The following PSG7 variants were observed in gnomAD, a reference collection of about 807,000 sequenced individuals.
PSG7 encodes pregnancy specific beta-1-glycoprotein 7.
PSG7 carries 57 observed loss-of-function variants against 45.6 expected under a neutral mutation model. That is an observed-to-expected ratio of 1.25 (90% CI 1.01 to 1.56). The LOEUF is 1.56. Among genes scored for constraint, PSG7 ranks in the 40% most tolerant of loss-of-function variants. The pLI, the probability that PSG7 is intolerant of heterozygous loss-of-function variation, is 0.00. For missense variants in PSG7, 796 were observed against 508.4 expected (o/e 1.57, Z -5.44); for synonymous variants, 298 against 194.4 (o/e 1.53, Z -4.43).
At chr19:42,929,389 C>G in intron 3 of PSG7, 53 bp downstream of exon 3, 1 of 1,611,422 alleles carries the variant, frequency 6.2e-7, no homozygotes, top group Non-Finnish European at 8.5e-7. Context: ...CGGCCTCTGG[C>G]CATGTGTATT....
chr19:42,929,463 G>T lies in PSG7; in HGVS notation c.688C>A (p.Pro230Thr). Residue 230 changes from proline to threonine, a missense_variant, in exon 3 of 6, where the codon CCA (proline) becomes ACA (threonine). By Grantham distance (38) the Pro-to-Thr change is conservative (BLOSUM62 -1). Coordinates refer to ENST00000406070, the MANE Select transcript of PSG7 (RefSeq NM_002783.3). ...TCACGGAGGAGATTCAGGGTGACTGGGTCACTGCGGCTGGCACTCACTGGG... is the reference window on the plus strand; with the variant it reads ...TCACGGAGGAGATTCAGGGTGACTGTGTCACTGCGGCTGGCACTCACTGGG... Reference protein sequence around the residue: ...RNPVSASRSDPVTLNLLPKLP... With the variant: ...RNPVSASRSDTVTLNLLPKLP... 1 of 1,612,484 alleles carries T rather than the reference G, an allele frequency of 6.2e-7. No homozygotes were observed. Among genetic ancestry groups the T allele is most frequent in the Non-Finnish European group, 8.5e-7 (1 of 1,179,136 alleles).
chr19:42,925,426 T>G lies in PSG7; in HGVS notation c.1243+347A>C, dbSNP rs115799916. The G allele has an allele frequency of 7.7e-6, 4 of 522,190 alleles. No individual in the cohort carries two copies. In the East Asian group the frequency reaches 1.7e-4, roughly 22 times the overall value. 32.3% of individuals were successfully genotyped at this position (522,190 alleles called of 1,614,324 possible). On this transcript the variant is annotated intron_variant, in intron 5 of 5. Coordinates refer to ENST00000406070, the MANE Select transcript of PSG7 (RefSeq NM_002783.3). ...TTATTGAACCACTATAAGCTAGAGATAGATTAAAAGACAAATTTCCATAAA... is the reference window on the plus strand; with the variant it reads ...TTATTGAACCACTATAAGCTAGAGAGAGATTAAAAGACAAATTTCCATAAA...
rs1192893319 is a variant in PSG7, at chr19:42,933,931, A to G, written c.430+1473T>C. 2.0e-5 allele frequency among the ~76,000 whole-genome samples: 3 copies of G among 151,522 alleles called. 1 individual carries two copies. The East Asian group carries it at 5.8e-4, about 29-fold the overall frequency. On this transcript the variant is annotated intron_variant, in intron 2 of 5. Transcript: ENST00000406070. Reference sequence around the variant, plus strand: ...AAACATGGGTGTCAGCCTCCGAAGGACAAGGGACAGGTGTGGCTAGAAACT... The same window carrying G: ...AAACATGGGTGTCAGCCTCCGAAGGGCAAGGGACAGGTGTGGCTAGAAACT...
rs762808508 is a variant in PSG7 at position 42,926,521 on chromosome 19, C to A, written c.905G>T (p.Arg302Ile). ...ACATTGATAGGGTCCTGTTTCATTT[C>A]TCGTGACACTGGGTAGAATGAGGAT... ...NRILILPSVT[R>I]NETGPYQCEI... The change falls in exon 4 of 6, where the codon AGA (arginine) becomes ATA (isoleucine). Residue 302 changes from arginine to isoleucine, a missense_variant. By Grantham distance (97) the Arg-to-Ile change is moderately conservative (BLOSUM62 -3). Transcript: ENST00000406070. 17 of 1,610,958 alleles carry A rather than the reference C, an allele frequency of 1.1e-5. 2 individuals are homozygous for A. The highest frequency in any genetic ancestry group is 1.3e-5 in the African/African-American group (1 of 74,570).
At position 42,937,110 on chromosome 19, in the gene PSG7, G is replaced by C. The variant is rs770144681; in HGVS notation, c.-34C>G. The C allele has an allele frequency of 1.7e-5, 27 of 1,604,120 alleles. 3 individuals are homozygous for C. In the East Asian group the frequency reaches 6.1e-4, roughly 36 times the overall value. Reference sequence around the variant, plus strand: ...CTCCCTGCGTGTTCTCCTCTGTGGAGATGAGCCTAGGATCCAGAATCTTCC... The same window carrying C: ...CTCCCTGCGTGTTCTCCTCTGTGGACATGAGCCTAGGATCCAGAATCTTCC... On this transcript the variant is annotated 5_prime_UTR_variant, in exon 1 of 6. In the 5' UTR this introduces an upstream ATG that the reference lacks. Transcript: ENST00000406070.
intron 2 of PSG7, among the ~76,000 whole-genome samples, chr19:42,931,612 T>G (rs189238503): frequency 1.2e-4 from 18 of 151,546 alleles, no homozygotes; most frequent in Non-Finnish European, 2.4e-4. Flanking sequence ...TGTGAATTAG[T>G]AAGAGGCTAA....
chr19:42,924,834 A>G lies in PSG7; in HGVS notation c.1244-10T>C. The G allele has an allele frequency of 2.6e-6, 2 of 761,828 alleles. No individual in the cohort carries two copies. The highest frequency in any genetic ancestry group is 3.5e-5 in the Admixed American group (2 of 57,794). 47.2% of individuals were successfully genotyped at this position (761,828 alleles called of 1,614,324 possible). ...CAGGGTAATGTCCAGTCTACAGTGG[A>G]TAATAAAAACACAGAAACAATGAAC... is the stretch of plus-strand genomic sequence containing the variant. On this transcript the variant is annotated splice_polypyrimidine_tract_variant and intron_variant, in intron 5 of 5. Transcript: ENST00000406070.
Position 42,933,291 on chromosome 19 carries a change from ATATATATATATATATATT to A in PSG7, c.430+2095_430+2112del, listed in dbSNP as rs1973068073. Among the ~76,000 whole-genome samples the A allele has an allele frequency of 2.1e-4, 2 of 9,706 alleles. 1 individual carries two copies. Among genetic ancestry groups the A allele is most frequent in the Non-Finnish European group, 4.6e-4 (2 of 4,358 alleles). The allele number at this position is 9,706 out of a possible 152,430, so 6.4% of individuals were successfully genotyped here. ...AATATATATATATATATATATATAT[ATATATATATATATATATT>A]TTTTTTTTTTTTTGGTGTATGTATG... On this transcript the variant is annotated intron_variant, in intron 2 of 5. Transcript: ENST00000406070.
At position 42,935,474 on chromosome 19, in the gene PSG7, G is replaced by A. The variant is rs1310360833; in HGVS notation, c.360C>T (p.Tyr120=). The A allele has an allele frequency of 6.2e-7, 1 of 1,612,194 alleles. No individual in the cohort carries two copies. Among genetic ancestry groups the A allele is most frequent in the Non-Finnish European group, 8.5e-7 (1 of 1,179,016 alleles). ...QNVTQEDTGS[Y]TLHIIKRGDG... ...CACCTCGCTTTATGATGTGTAAAGT[G>A]TAGGATCCTGTGTCTTCCTGGGTGA... Residue 120 remains tyrosine (Y), a synonymous_variant, in exon 2 of 6, where the codon TAC becomes TAT. Coordinates refer to ENST00000406070, the MANE Select transcript of PSG7 (RefSeq NM_002783.3).
chr19:42,926,556 A>C lies in PSG7; in HGVS notation c.870T>G (p.Ile290Met). Residue 290 changes from isoleucine (I) to methionine (M), a missense_variant, in exon 4 of 6, where the codon ATT becomes ATG. By Grantham distance (10) the Ile-to-Met change is conservative. Transcript: ENST00000406070. Reference sequence around the variant, plus strand: ...TGGGTAGAATGAGGATCCTGTTTTCAATGCGTCGCTTTACCCTGGGACTGA... The same window carrying C: ...TGGGTAGAATGAGGATCCTGTTTTCCATGCGTCGCTTTACCCTGGGACTGA... Reference protein sequence around the residue: ...LPVSPRVKRRIENRILILPSV... With the variant: ...LPVSPRVKRRMENRILILPSV... 6.2e-7 allele frequency: 1 copy of C among 1,610,440 alleles called. No homozygotes were observed. The highest frequency in any genetic ancestry group is 1.1e-5 in the South Asian group (1 of 90,532).
rs1379066257 is a variant in PSG7 at position 42,933,288 on chromosome 19, TATA to T, written c.430+2113_430+2115del. 4.3e-3 allele frequency among the ~76,000 whole-genome samples: 52 copies of T among 11,968 alleles called. 3 individuals carry two copies. Among genetic ancestry groups the T allele is most frequent in the African/African-American group, 9.7e-3 (52 of 5,382 alleles). 7.9% of individuals were successfully genotyped at this position (11,968 alleles called of 152,430 possible). ...TTCAATATATATATATATATATATA[TATA>T]TATATATATATATATATTTTTTTTT... On this transcript the variant is annotated intron_variant, in intron 2 of 5. Transcript: ENST00000406070.
At chr19:42,933,284 T>TATACAC (rs1323128528) in intron 2 of PSG7, among the ~76,000 whole-genome samples, 32 of 8,354 alleles carry the variant, frequency 3.8e-3, no homozygotes, top group African/African-American at 0.01. Flanking sequence ...TATATATATA[T>TATACAC]ATATATATAT....
intron 2 of PSG7, among the ~76,000 whole-genome samples, chr19:42,933,299 ATATATATATTTT>A (rs1973070502): frequency 1.4e-4 from 2 of 14,652 alleles, no homozygotes; most frequent in African/African-American, 3.6e-4. Flanking sequence ...ATATATATAT[ATATATATATTTT>A]TTTTTTTTTT....
At chr19:42,928,860 C>A (rs775613112) in intron 3 of PSG7, among the ~76,000 whole-genome samples, 2 of 151,406 alleles carry the variant, frequency 1.3e-5, no homozygotes, top group African/African-American at 2.4e-5. Flanking sequence ...GAGACATAGA[C>A]CCCTCTATAT....
Position 42,935,560 on chromosome 19 carries a change from C to A in PSG7, c.274G>T (p.Gly92Trp), listed in dbSNP as rs781930808. ...YIVDGQIIKYGPAYSGRETVY... is the reference protein window; with the variant it reads ...YIVDGQIIKYWPAYSGRETVY... ...GTTTCTCGTCCACTGTATGCAGGCCCATATTTAATTATTTGACCGTCTACT... is the reference window on the plus strand; with the variant it reads ...GTTTCTCGTCCACTGTATGCAGGCCAATATTTAATTATTTGACCGTCTACT... Residue 92 changes from glycine to tryptophan, a missense_variant, in exon 2 of 6, where the codon GGG (glycine) becomes TGG (tryptophan). Gly to Trp is a radical substitution (Grantham distance 184). Transcript: ENST00000406070. 1.9e-6 allele frequency: 3 copies of A among 1,612,044 alleles called. No individual in the cohort carries two copies. Among genetic ancestry groups the A allele is most frequent in the South Asian group, 2.2e-5 (2 of 90,788 alleles).
rs761663898 is a variant in PSG7 at position 42,929,595 on chromosome 19, T to A, written c.556A>T (p.Ser186Cys). 32 of 1,612,482 alleles carry A rather than the reference T, an allele frequency of 2.0e-5. 1 individual carries two copies. Among genetic ancestry groups the A allele is most frequent in the Non-Finnish European group, 2.5e-5 (30 of 1,179,264 alleles). ...ASYLWWMNGQ[S>C]LPMTHSLQLS... ...TGCAAGCTGTGAGTCATAGGGAGGC[T>A]CTGACCATTCATCCACCACAGGTAG... The change falls in exon 3 of 6, where the codon AGC (serine) becomes TGC (cysteine). Residue 186 changes from serine (S) to cysteine (C), a missense_variant. Physicochemically the swap from Ser to Cys is moderately radical, Grantham distance 112. Coordinates refer to ENST00000406070, the MANE Select transcript of PSG7 (RefSeq NM_002783.3).
chr19:42,937,121 G>T lies in PSG7; in HGVS notation c.-45C>A, dbSNP rs753353713. 4.1e-5 allele frequency: 66 copies of T among 1,598,050 alleles called. 2 individuals are homozygous for T. The South Asian group carries it at 7.2e-4, about 18-fold the overall frequency. ...TTCTCCTCTGTGGAGATGAGCCTAG[G>T]ATCCAGAATCTTCCTGAGCACGGCT... On this transcript the variant is annotated 5_prime_UTR_variant, in exon 1 of 6. Transcript: ENST00000406070.
At position 42,929,611 on chromosome 19, in the gene PSG7, C is replaced by G. The variant is rs751085330; in HGVS notation, c.540G>C (p.Trp180Cys). ...TAGGGAGGCTCTGACCATTCATCCA[C>G]CACAGGTAGCTTGCATCTGGAGTCT... ...DPETPDASYL[W>C]WMNGQSLPMT... is the part of the protein sequence containing the mutation. The change falls in exon 3 of 6, where the codon TGG (tryptophan) becomes TGC (cysteine). Residue 180 changes from tryptophan to cysteine, a missense_variant. Transcript: ENST00000406070. 43 of 1,612,500 alleles carry G rather than the reference C, an allele frequency of 2.7e-5. 1 individual carries two copies. The highest frequency in any genetic ancestry group is 1.5e-4 in the Admixed American group (9 of 59,896).
intron 3 of PSG7, among the ~76,000 whole-genome samples, chr19:42,928,251 T>C (rs370925417): frequency 5.9e-5 from 9 of 151,630 alleles, no homozygotes; most frequent in Non-Finnish European, 1.3e-4. Context: ...CTCAGTGTTT[T>C]TGTTGTGGCA....
Sources: gnomAD v4.1 joint callset for allele counts (sites outside exome capture counted in the v4.1 genomes callset) on GRCh38, gnomAD v4.1.1 for gene constraint, MANE v1.5 for transcripts, NCBI Gene and HGNC (gene_info 2026-07-23, HGNC 2026-07-21) for gene names.